Variants in SHANK2 observed in about 807,000 individuals in gnomAD.
The protein encoded by SHANK2 is SH3 and multiple ankyrin repeat domains protein 2.
In SHANK2, 43 loss-of-function variants were observed where a neutral mutation model predicts 133.7. The ratio of observed to expected loss-of-function variants is 0.32; its 90% CI spans 0.25 to 0.41. The LOEUF (loss-of-function observed/expected upper bound fraction) is 0.41. SHANK2 is among the 10% of genes least tolerant of loss of function. The pLI is 1.00. For missense variants in SHANK2, 1,994 were observed against 2,235.8 expected (o/e 0.89, Z 2.18); for synonymous variants, 1,017 against 952.8 (o/e 1.07, Z -1.24).
In SHANK2 at chr11:70,473,954, C is replaced by T; in HGVS notation, c.4980-515G>A. On this transcript the variant is annotated intron_variant, in intron 25 of 25. Transcript: ENST00000601538. The surrounding 1 kb of genome is among the most constrained non-coding windows in gnomAD (Gnocchi z 5.9). ...GGAAGGAGCACACCTGGAGGACAGGCCCCTCAGCCGCCTGGCAGCCTTAGG... is the reference window on the plus strand; with the variant it reads ...GGAAGGAGCACACCTGGAGGACAGGTCCCTCAGCCGCCTGGCAGCCTTAGG... 1 of 218,628 alleles carries T rather than the reference C, an allele frequency of 4.6e-6. No homozygotes were observed. The highest frequency in any genetic ancestry group is 9.5e-6 in the Non-Finnish European group (1 of 105,752). The allele number at this position is 218,628 out of a possible 1,614,324, so 13.5% of individuals were successfully genotyped here. A position where few individuals can be genotyped will look rare whatever the true frequency, so the allele number is the denominator to read the frequency against.
chr11:70,853,344 G>A (rs1280996335), intron 11 of SHANK2, among the ~76,000 whole-genome samples: 4 of 152,220 alleles, frequency 2.6e-5, no homozygotes, highest in African/African-American at 9.7e-5. Flanking sequence ...CCAAGTGCGG[G>A]AGAGGGTGTG....
chr11:70,899,728 C>T (rs1435850301), intron 10 of SHANK2, among the ~76,000 whole-genome samples: 2 of 152,228 alleles, frequency 1.3e-5, no homozygotes, highest in Non-Finnish European at 2.9e-5. Context: ...TCTCCAGGTC[C>T]CTGATGGTTG....
intron 8 of SHANK2, among the ~76,000 whole-genome samples, chr11:71,085,665 T>TACA (rs1951378979): frequency 5.4e-5 from 1 of 18,650 alleles, no homozygotes; most frequent in African/African-American, 1.1e-4. Context: ...TATTATATTA[T>TACA]ATATGTTATA....
chr11:70,539,554 A>G (rs1182511052), intron 17 of SHANK2, among the ~76,000 whole-genome samples: 23 of 98,050 alleles, frequency 2.3e-4, no homozygotes, highest in Non-Finnish European at 4.7e-4. Flanking sequence ...CACTCACCAT[A>G]CTCACCACGC....
intron 2 of SHANK2, among the ~76,000 whole-genome samples, chr11:71,182,475 G>A (rs1953578217): frequency 6.6e-6 from 1 of 152,184 alleles, no homozygotes; most frequent in Non-Finnish European, 1.5e-5. Context: ...TTCTGAGGCT[G>A]TGAGGAGGCA....
intron 10 of SHANK2, among the ~76,000 whole-genome samples, chr11:70,951,543 C>T (rs940212851): frequency 4.3e-5 from 5 of 117,600 alleles, no homozygotes; most frequent in Non-Finnish European, 7.5e-5. Context: ...ATTCATTTCC[C>T]CTGGCTGCTG....
At chr11:71,068,978 AT>A in intron 9 of SHANK2, among the ~76,000 whole-genome samples, 1 of 150,638 alleles carries the variant, frequency 6.6e-6, no homozygotes, top group East Asian at 2.0e-4. Flanking sequence ...CCTCACCACC[AT>A]CATCAGCACC....
At chr11:70,505,689 G>A (rs782000292) in intron 17 of SHANK2, among the ~76,000 whole-genome samples, 22 of 152,072 alleles carry the variant, frequency 1.4e-4, no homozygotes, top group Non-Finnish European at 2.6e-4. Context: ...TCTGATGCTT[G>A]GGGAGAGTAC....
At chr11:71,172,597 CAAAAAAAAAAAAA>C (rs10623588) in intron 2 of SHANK2, among the ~76,000 whole-genome samples, 1 of 107,302 alleles carries the variant, frequency 9.3e-6, no homozygotes, top group Non-Finnish European at 1.8e-5. Context: ...GACTCTGTCT[CAAAAAAAAAAAAA>C]AAGAAAAAAA....
intron 1 of SHANK2, among the ~76,000 whole-genome samples, chr11:71,225,179 G>A (rs1345341905): frequency 6.6e-6 from 1 of 152,188 alleles, no homozygotes; most frequent in Non-Finnish European, 1.5e-5. Flanking sequence ...CGAAAGACTA[G>A]GAAAGCGGCA....
chr11:70,825,008 C>T (rs1948616660), intron 11 of SHANK2, among the ~76,000 whole-genome samples: 1 of 152,150 alleles, frequency 6.6e-6, no homozygotes, highest in South Asian at 2.1e-4. Flanking sequence ...CCACGGCTCT[C>T]CCTACCCATG....
At chr11:70,646,076 T>C (rs1346889535) in intron 17 of SHANK2, 1 of 152,198 alleles carries the variant, frequency 6.6e-6, no homozygotes, top group Non-Finnish European at 1.5e-5. Context: ...CAGTCCTTGT[T>C]ATTGTTCCCA....
At chr11:71,213,514 C>T (rs1325899658) in intron 2 of SHANK2, among the ~76,000 whole-genome samples, 2 of 152,188 alleles carry the variant, frequency 1.3e-5, no homozygotes, top group African/African-American at 4.8e-5. Context: ...AAACACCACA[C>T]AGAGGAGAGC....
At chr11:70,696,525 A>C (rs1293174041) in intron 15 of SHANK2, among the ~76,000 whole-genome samples, 1 of 152,128 alleles carries the variant, frequency 6.6e-6, no homozygotes, top group Non-Finnish European at 1.5e-5. Context: ...GGCTCAAATA[A>C]AGGCTCATCA....
intron 17 of SHANK2, among the ~76,000 whole-genome samples, chr11:70,627,225 G>A (rs149436817): frequency 2.6e-5 from 4 of 152,348 alleles, no homozygotes; most frequent in African/African-American, 7.2e-5. Context: ...CCCTCCTGAA[G>A]TTAGGTGCGG....
At chr11:70,939,732 C>T (rs1950618988) in intron 10 of SHANK2, among the ~76,000 whole-genome samples, 1 of 152,140 alleles carries the variant, frequency 6.6e-6, no homozygotes, top group Non-Finnish European at 1.5e-5. Flanking sequence ...CCGCAGCCCT[C>T]CCCGCTGCGT....
At chr11:71,241,830 G>A (rs1047833048) in intron 1 of SHANK2, among the ~76,000 whole-genome samples, 1 of 152,244 alleles carries the variant, frequency 6.6e-6, no homozygotes, top group Non-Finnish European at 1.5e-5. Flanking sequence ...GCTGGAGCGA[G>A]TGGGTAAAAG....
chr11:70,780,586 T>C (rs1416421040), intron 14 of SHANK2, among the ~76,000 whole-genome samples: 1 of 151,370 alleles, frequency 6.6e-6, no homozygotes, highest in Non-Finnish European at 1.5e-5. Context: ...ATTTTTTTTT[T>C]TTTTTCAGAT....
At chr11:71,153,989 C>T (rs1477569224) in intron 2 of SHANK2, among the ~76,000 whole-genome samples, 1 of 150,802 alleles carries the variant, frequency 6.6e-6, no homozygotes, top group Admixed American at 6.6e-5. Flanking sequence ...ACAACAACAA[C>T]AAAAAAAGTG....
Sources: allele counts gnomAD v4.1 joint callset (sites outside exome capture counted in the v4.1 genomes callset), GRCh38; gene constraint gnomAD v4.1.1; non-coding constraint Gnocchi (gnomAD v3.1); transcripts MANE v1.5; gene names NCBI Gene and HGNC (gene_info 2026-07-23, HGNC 2026-07-21).